The following PKD1L1 variants were observed in gnomAD, a reference collection of about 807,000 sequenced individuals.
PKD1L1 encodes polycystin-1-like protein 1.
PKD1L1 carries 236 observed loss-of-function variants against 323.4 expected under a neutral mutation model. The observed-to-expected ratio is 0.73, with a 90% CI of 0.66 to 0.81. The LOEUF (loss-of-function observed/expected upper bound fraction) is 0.81, where lower values mean the gene tolerates loss of function less well. PKD1L1 is among the 40% of genes least tolerant of loss of function. The pLI is 0.00. For missense variants in PKD1L1, 3,320 were observed against 3,508.0 expected (o/e 0.95, Z 1.35); for synonymous variants, 1,344 against 1,335.0 (o/e 1.01, Z -0.15).
At chr7:47,858,220 G>C (rs1785947391) in intron 27 of PKD1L1, among the ~76,000 whole-genome samples, 3 of 152,130 alleles carry the variant, frequency 2.0e-5, no homozygotes, top group African/African-American at 7.2e-5. Context: ...AAATAAAAAA[G>C]TCTCGGAGAC....
rs56742103 is a variant in PKD1L1 at position 47,880,167 on chromosome 7, TAGAG to T, written c.3520+557_3520+560del. On this transcript the variant is annotated intron_variant, in intron 21 of 56. Transcript: ENST00000289672. Reference sequence around the variant, plus strand: ...CAATAACACCTTTCTAGGGTTTAAATAGAGAGAGAGAGAGAGAGAGAGATTACGG... The same window carrying T: ...CAATAACACCTTTCTAGGGTTTAAATAGAGAGAGAGAGAGAGAGATTACGG... Among the ~76,000 whole-genome samples the T allele has an allele frequency of 7.7e-4, 103 of 133,150 alleles. 1 individual carries two copies. The highest frequency in any genetic ancestry group is 1.5e-3 in the African/African-American group (54 of 35,378). The allele number at this position is 133,150 out of a possible 152,430, so 87.4% of individuals were successfully genotyped here.
At chr7:47,875,951 G>A in intron 23 of PKD1L1, 146 bp downstream of exon 23, 1 of 716,258 alleles carries the variant, frequency 1.4e-6, no homozygotes, top group Non-Finnish European at 2.1e-6. Context: ...GCACTAAAAG[G>A]TAGATAATAA....
In PKD1L1 at chr7:47,929,439, C is replaced by G. The variant is rs1456041466; in HGVS notation, c.825G>C (p.Gln275His). The G allele has an allele frequency of 3.7e-6, 6 of 1,613,906 alleles. No individual in the cohort carries two copies. The highest frequency in any genetic ancestry group is 5.1e-6 in the Non-Finnish European group (6 of 1,179,914). The change falls in exon 7 of 57, where the codon CAG becomes CAC. Residue 275 changes from glutamine (Q) to histidine (H), a missense_variant. Transcript: ENST00000289672. ...SGSEILYPPT[Q>H]HPPVAILARN... ...GAGCTAGGATGGCCACAGGAGGATGCTGAGTAGGGGGATAGAGGATCTCAG... is the reference window on the plus strand; with the variant it reads ...GAGCTAGGATGGCCACAGGAGGATGGTGAGTAGGGGGATAGAGGATCTCAG...
upstream of PKD1L1, among the ~76,000 whole-genome samples, chr7:47,951,863 T>C (rs565174127): frequency 3.8e-4 from 58 of 152,312 alleles, no homozygotes; most frequent in African/African-American, 1.3e-3. Context: ...CAGGTTCTGA[T>C]CATTATCATC....
Position 47,775,074 on chromosome 7 carries a change from G to A in PKD1L1, c.*69C>T. 1 of 1,540,026 alleles carries A rather than the reference G, an allele frequency of 6.5e-7. No individual in the cohort carries two copies. Among genetic ancestry groups the A allele is most frequent in the Admixed American group, 1.8e-5 (1 of 55,520 alleles). ...TCTCACCTGCAAAACTAGGATGTCT[G>A]CTAAAATTGGCTGTTGGGTGGGTTA... On this transcript the variant is annotated 3_prime_UTR_variant, in exon 57 of 57. Transcript: ENST00000289672.
chr7:47,883,810 T>C (rs867208869), intron 19 of PKD1L1, among the ~76,000 whole-genome samples: 1 of 152,334 alleles, frequency 6.6e-6, no homozygotes, highest in Middle Eastern at 3.4e-3. Context: ...TCATCAGCCA[T>C]TTATCGATTC....
At chr7:47,817,914 T>A in intron 46 of PKD1L1, 5 of 793,662 alleles carry the variant, frequency 6.3e-6, no homozygotes, top group Non-Finnish European at 8.8e-6. Flanking sequence ...GTCTAGTGAA[T>A]TAATTTATCT....
chr7:47,922,444 G>A (rs6962539), intron 7 of PKD1L1, among the ~76,000 whole-genome samples: 7 of 151,134 alleles, frequency 4.6e-5, no homozygotes, highest in Admixed American at 2.6e-4. Flanking sequence ...CTTCCCGGCC[G>A]TCATCCCGTC....
chr7:47,800,236 C>T (rs953221156), intron 54 of PKD1L1, among the ~76,000 whole-genome samples: 3 of 152,172 alleles, frequency 2.0e-5, no homozygotes, highest in Non-Finnish European at 4.4e-5. Flanking sequence ...CAGCCGCTAG[C>T]CTGGAGAACA....
At chr7:47,955,247 A>G in the PKD1L1 span, among the ~76,000 whole-genome samples, 3 of 152,192 alleles carry the variant, frequency 2.0e-5, no homozygotes, top group Non-Finnish European at 4.4e-5. Context: ...AAAAAGTTTA[A>G]TTTTCTATTT....
At position 47,857,771 on chromosome 7, in the gene PKD1L1, T is replaced by C. The variant is rs756665465; in HGVS notation, c.4424A>G (p.Tyr1475Cys). The change falls in exon 28 of 57, where the codon TAC becomes TGC. Residue 1475 changes from tyrosine (Y) to cysteine (C), a missense_variant. Coordinates refer to ENST00000289672, the MANE Select transcript of PKD1L1 (RefSeq NM_138295.5). Reference protein sequence around the residue: ...GQMEFRTLLHYNLQSSVQSLG... With the variant: ...GQMEFRTLLHCNLQSSVQSLG... The stretch of plus-strand genomic sequence containing the variant: ...GCTCTGGACAGAGCTCTGAAGGTTG[T>C]AATGAAGAAGGGTCCGGAACTCCAT... 2 of 1,613,974 alleles carry C rather than the reference T, an allele frequency of 1.2e-6. No individual in the cohort carries two copies. Among genetic ancestry groups the C allele is most frequent in the Non-Finnish European group, 1.7e-6 (2 of 1,180,028 alleles).
chr7:47,930,514 AT>A (rs1158533548), intron 6 of PKD1L1, among the ~76,000 whole-genome samples: 4 of 144,388 alleles, frequency 2.8e-5, no homozygotes, highest in African/African-American at 7.8e-5. Context: ...CGAAAAAAAA[AT>A]AAAATAAAAT....
rs1784705679 is a variant in PKD1L1 at position 47,803,279 on chromosome 7, G to C, written c.7893C>G (p.Gly2631=). 1.9e-6 allele frequency: 3 copies of C among 1,614,122 alleles called. No individual in the cohort carries two copies. The highest frequency in any genetic ancestry group is 8.5e-7 in the Non-Finnish European group (1 of 1,179,992). Residue 2631 remains glycine (G), a synonymous_variant, in exon 53 of 57, where the codon GGC becomes GGG. Coordinates refer to ENST00000289672, the MANE Select transcript of PKD1L1 (RefSeq NM_138295.5). ...LFTLKCVYLP[G]IQNTMASCSS... ...AGCAGGATGCCATTGTGTTTTGAATGCCAGGAAGATAGACGCATTTTAATG... is the reference window on the plus strand; with the variant it reads ...AGCAGGATGCCATTGTGTTTTGAATCCCAGGAAGATAGACGCATTTTAATG...
At chr7:47,783,558 G>C (rs1438098504) in intron 56 of PKD1L1, among the ~76,000 whole-genome samples, 1 of 152,200 alleles carries the variant, frequency 6.6e-6, no homozygotes, top group Non-Finnish European at 1.5e-5. Flanking sequence ...TGATGATCAA[G>C]CTAAGATAAG....
intron 44 of PKD1L1, 107 bp from the exon 45 acceptor site, chr7:47,827,575 C>T (rs1785264076): frequency 8.8e-6 from 8 of 909,836 alleles, no homozygotes; most frequent in Admixed American, 2.7e-5. Context: ...GCTGTGCCTT[C>T]AGCCTGGCAT....
intron 1 of PKD1L1, among the ~76,000 whole-genome samples, chr7:47,944,113 C>T (rs1433790984): frequency 6.6e-6 from 1 of 152,180 alleles, no homozygotes; most frequent in Non-Finnish European, 1.5e-5. Context: ...TGGTATTTGT[C>T]CCTGTGCAAA....
rs746709968 is a variant in PKD1L1 at position 47,845,071 on chromosome 7, G to A, written c.5161C>T (p.Arg1721Cys). 9 of 1,613,306 alleles carry A rather than the reference G, an allele frequency of 5.6e-6. No homozygotes were observed. Among genetic ancestry groups the A allele is most frequent in the African/African-American group, 2.7e-5 (2 of 74,920 alleles). ...SPEKVNCSYH[R>C]LAAFALLRRK... ...CTTAGGAGAGCGAATGCCGCGAGGC[G>A]ATGGTAGCTAGGAGGGAAATGCGGA... is the stretch of plus-strand genomic sequence containing the variant. Residue 1721 changes from arginine to cysteine, a missense_variant, in exon 33 of 57, where the codon CGC becomes TGC. By Grantham distance (180) the Arg-to-Cys change is radical. Transcript: ENST00000289672.
intron 26 of PKD1L1, among the ~76,000 whole-genome samples, chr7:47,859,464 C>CT (rs901487735): frequency 8.6e-5 from 13 of 151,018 alleles, no homozygotes; most frequent in South Asian, 2.1e-4. Context: ...GTTTCTTTTC[C>CT]TTTTTTTTTC....
At chr7:47,813,844 A>G in intron 48 of PKD1L1, 87 bp downstream of exon 48, 1 of 1,155,790 alleles carries the variant, frequency 8.7e-7, no homozygotes, top group Non-Finnish European at 1.3e-6. Context: ...AGAAGTTCAA[A>G]TGATCTGCCA....
Sources: gnomAD v4.1 joint callset for allele counts (sites outside exome capture counted in the v4.1 genomes callset) on GRCh38, gnomAD v4.1.1 for gene constraint, MANE v1.5 for transcripts, NCBI Gene and HGNC (gene_info 2026-07-23, HGNC 2026-07-21) for gene names.